The following EYS variants were observed in gnomAD, a reference collection of about 807,000 sequenced individuals.
The protein encoded by EYS is EGF-like photoreceptor maintenance factor, also known as protein eyes shut homolog.
Under a neutral mutation model 282.1 loss-of-function variants are expected in EYS, and 250 were observed. The observed-to-expected ratio is 0.89, with a 90% confidence interval of 0.80 to 0.98. EYS has a LOEUF of 0.98. Ranked by LOEUF, EYS falls within the 50% of genes least tolerant of loss-of-function variation. EYS has a pLI of 0.00. For synonymous variants in EYS, 1,355 were observed against 1,282.9 expected (o/e 1.06, Z -1.20); for missense variants, 4,016 against 3,709.0 (o/e 1.08, Z -2.15).
At chr6:64,346,380 T>G (rs1384281245) in intron 29 of EYS, among the ~76,000 whole-genome samples, 15 of 151,990 alleles carry the variant, frequency 9.9e-5, no homozygotes, top group Non-Finnish European at 2.9e-5. Flanking sequence ...CCATAAAAAA[T>G]GATGAGTTCA....
intron 6 of EYS, among the ~76,000 whole-genome samples, chr6:65,403,585 C>T (rs537965946): frequency 9.2e-5 from 14 of 151,834 alleles, no homozygotes; most frequent in Non-Finnish European, 1.6e-4. Flanking sequence ...ATATAGCTTG[C>T]CCAACCTCAT....
At chr6:63,807,906 A>G (rs1183365562) in intron 36 of EYS, among the ~76,000 whole-genome samples, 2 of 152,206 alleles carry the variant, frequency 1.3e-5, no homozygotes, top group African/African-American at 2.4e-5. Context: ...CCATCATTCA[A>G]TGTTGGCATT....
intron 26 of EYS, among the ~76,000 whole-genome samples, chr6:64,534,144 C>A (rs947428222): frequency 1.3e-5 from 2 of 151,490 alleles, no homozygotes; most frequent in Non-Finnish European, 3.0e-5. Context: ...TAGATCTCTA[C>A]ATTTAGAGAT....
chr6:64,160,884 A>G (rs1045288908), intron 31 of EYS, among the ~76,000 whole-genome samples: 5 of 152,186 alleles, frequency 3.3e-5, no homozygotes, highest in Non-Finnish European at 7.3e-5. Context: ...CTACATAAAC[A>G]TACTTGTGTG....
chr6:64,665,423 T>A (rs1041393821), intron 22 of EYS, among the ~76,000 whole-genome samples: 2 of 152,170 alleles, frequency 1.3e-5, no homozygotes, highest in Non-Finnish European at 1.5e-5. Context: ...CTCATAGACT[T>A]TTTTTGTTTA....
At chr6:65,398,712 G>C (rs1766381841) in intron 7 of EYS, among the ~76,000 whole-genome samples, 1 of 151,998 alleles carries the variant, frequency 6.6e-6, no homozygotes, top group Non-Finnish European at 1.5e-5. Flanking sequence ...TATATATTTA[G>C]CCCGATAGCT....
intron 14 of EYS, among the ~76,000 whole-genome samples, chr6:64,964,435 T>C (rs1156853991): frequency 5.9e-5 from 9 of 152,170 alleles, no homozygotes; most frequent in Admixed American, 5.9e-4. Context: ...ATGTTATTAC[T>C]ATAATGTGTC....
chr6:64,403,028 G>A (rs1422683321), intron 28 of EYS, among the ~76,000 whole-genome samples: 1 of 151,984 alleles, frequency 6.6e-6, no homozygotes, highest in Non-Finnish European at 1.5e-5. Context: ...TTCAGGAGCT[G>A]TAAAACAATA....
intron 26 of EYS, among the ~76,000 whole-genome samples, chr6:64,522,707 T>C (rs1371234811): frequency 6.6e-6 from 1 of 151,810 alleles, no homozygotes; most frequent in Non-Finnish European, 1.5e-5. Flanking sequence ...GCTGAATTAC[T>C]GTTTTCTTCA....
chr6:65,558,384 G>A (rs1365393715), intron 2 of EYS, among the ~76,000 whole-genome samples: 1 of 152,192 alleles, frequency 6.6e-6, no homozygotes, highest in African/African-American at 2.4e-5. Context: ...GCTCTGCACT[G>A]GAGCAGGCAT....
At chr6:65,260,771 T>TA (rs1330972231) in intron 12 of EYS, among the ~76,000 whole-genome samples, 5 of 151,752 alleles carry the variant, frequency 3.3e-5, no homozygotes, top group Non-Finnish European at 1.5e-5. Context: ...GAACAATGGG[T>TA]AAAAAAGCAC....
chr6:65,147,065 A>G (rs1018375612), intron 12 of EYS, among the ~76,000 whole-genome samples: 2 of 151,978 alleles, frequency 1.3e-5, no homozygotes, highest in East Asian at 1.9e-4. Context: ...AAAATTACCT[A>G]ACAGTATGTT....
intron 33 of EYS, among the ~76,000 whole-genome samples, chr6:64,005,063 T>C (rs1213534134): frequency 6.6e-6 from 1 of 152,240 alleles, no homozygotes; most frequent in African/African-American, 2.4e-5. Flanking sequence ...ATGGCTGAAC[T>C]AACTTACATT....
At chr6:65,635,962 TA>T (rs1767072923) in intron 2 of EYS, among the ~76,000 whole-genome samples, 1 of 152,194 alleles carries the variant, frequency 6.6e-6, no homozygotes, top group East Asian at 1.9e-4. Context: ...ACTGCTAACC[TA>T]AAAGCCTGAG....
chr6:64,559,750 C>A (rs1291965889), intron 26 of EYS, among the ~76,000 whole-genome samples: 1 of 151,806 alleles, frequency 6.6e-6, no homozygotes, highest in Non-Finnish European at 1.5e-5. Context: ...ATATACTACT[C>A]TTTTTTAAAA....
intron 23 of EYS, 24 bp from the exon 24 acceptor site, chr6:64,617,557 G>C (rs867805541): frequency 7.5e-7 from 1 of 1,327,056 alleles, no homozygotes; most frequent in Middle Eastern, 1.8e-4. Flanking sequence ...TTACAAAGCA[G>C]ATATGCAATT....
intron 12 of EYS, among the ~76,000 whole-genome samples, chr6:65,203,892 T>TA (rs149582357): frequency 0.074 from 11,136 of 150,314 alleles, 468 homozygotes; most frequent in African/African-American, 0.12. Flanking sequence ...TAACTGGAAA[T>TA]AAAAAAAAAC....
chr6:64,218,373 A>G (rs1286474897), intron 31 of EYS, among the ~76,000 whole-genome samples: 1 of 151,974 alleles, frequency 6.6e-6, no homozygotes, highest in Non-Finnish European at 1.5e-5. Context: ...ACAGACAGAG[A>G]CATTCCTTTG....
intron 26 of EYS, among the ~76,000 whole-genome samples, chr6:64,579,464 A>G (rs1319948270): frequency 6.6e-6 from 1 of 152,106 alleles, no homozygotes; most frequent in Non-Finnish European, 1.5e-5. Flanking sequence ...GATCATTCTC[A>G]TGTATGAAGC....
Sources: gnomAD v4.1 joint callset for allele counts (sites outside exome capture counted in the v4.1 genomes callset) on GRCh38, gnomAD v4.1.1 for gene constraint, MANE v1.5 for transcripts, NCBI Gene and HGNC (gene_info 2026-07-23, HGNC 2026-07-21) for gene names.